GNA12: variants seen among roughly 807,000 people sequenced by gnomAD.
GNA12 encodes the protein G protein subunit alpha 12.
A neutral mutation model predicts 26.0 loss-of-function variants in GNA12; 9 were observed. The ratio of observed to expected loss-of-function variants is 0.35; its 90% CI spans 0.21 to 0.60. The LOEUF (loss-of-function observed/expected upper bound fraction) is 0.60. Among genes scored for constraint, GNA12 ranks in the 20% least tolerant of loss-of-function variants. GNA12 has a pLI of 0.78. For missense variants in GNA12, 405 were observed against 525.8 expected (o/e 0.77, Z 2.25); for synonymous variants, 264 against 219.6 (o/e 1.20, Z -1.79).
intron 2 of GNA12, among the ~76,000 whole-genome samples, chr7:2,752,491 C>G (rs1022654381): frequency 2.0e-5 from 3 of 152,106 alleles, no homozygotes; most frequent in African/African-American, 7.2e-5. Context: ...GACACAGGGA[C>G]TGGAAAGCAA....
chr7:2,777,297 A>G (rs1032373917), intron 2 of GNA12, among the ~76,000 whole-genome samples: 2 of 152,240 alleles, frequency 1.3e-5, no homozygotes, highest in Non-Finnish European at 2.9e-5. Context: ...ATCCAATGGT[A>G]TATTAATACC....
intron 1 of GNA12, among the ~76,000 whole-genome samples, chr7:2,839,355 C>A (rs1020915364): frequency 1.3e-5 from 2 of 152,008 alleles, no homozygotes; most frequent in African/African-American, 2.4e-5. Flanking sequence ...CACCCGCCTC[C>A]CAGGTTCAAG....
intron 2 of GNA12, among the ~76,000 whole-genome samples, chr7:2,793,027 G>C (rs1029608229): frequency 2.0e-5 from 3 of 152,230 alleles, no homozygotes; most frequent in Admixed American, 1.3e-4. Flanking sequence ...TTCCTGATCA[G>C]ATGATCTGAG....
intron 2 of GNA12, among the ~76,000 whole-genome samples, chr7:2,793,282 G>C (rs991762736): frequency 1.3e-5 from 2 of 148,256 alleles, no homozygotes; most frequent in South Asian, 2.1e-4. Flanking sequence ...GCAGACAGGA[G>C]CGCGAGAGGA....
chr7:2,736,652 TGAG>T (rs1355727561), intron 2 of GNA12, among the ~76,000 whole-genome samples: 1 of 152,246 alleles, frequency 6.6e-6, no homozygotes, highest in African/African-American at 2.4e-5. Flanking sequence ...CACACGCCCA[TGAG>T]GAGACCGCCT....
In GNA12 at chr7:2,746,108, C is replaced by G. The variant is rs1790750224; in HGVS notation, c.526-12607G>C. 3.3e-5 allele frequency among the ~76,000 whole-genome samples: 5 copies of G among 152,274 alleles called. No homozygotes were observed. In the South Asian group the frequency reaches 1.0e-3, roughly 32 times the overall value. ...ACCCCACTGTCAACATTAGACAGATCAACGAGACAGAAAGTTAACAAGGAT... is the reference window on the plus strand; with the variant it reads ...ACCCCACTGTCAACATTAGACAGATGAACGAGACAGAAAGTTAACAAGGAT... On this transcript the variant is annotated intron_variant, in intron 2 of 3. Coordinates refer to ENST00000275364, the MANE Select transcript of GNA12 (RefSeq NM_007353.3).
intron 2 of GNA12, among the ~76,000 whole-genome samples, chr7:2,744,147 C>G (rs1790648400): frequency 6.6e-6 from 1 of 152,202 alleles, no homozygotes; most frequent in Non-Finnish European, 1.5e-5. Flanking sequence ...TTAAATGTCC[C>G]CGTCTGACAG....
intron 1 of GNA12, among the ~76,000 whole-genome samples, chr7:2,823,175 C>T (rs1026338426): frequency 6.6e-6 from 1 of 152,218 alleles, no homozygotes; most frequent in Non-Finnish European, 1.5e-5. Context: ...TCCAGGCTTC[C>T]TGGTGTAGTC....
chr7:2,809,471 T>C (rs1457977140), intron 1 of GNA12, among the ~76,000 whole-genome samples: 1 of 152,246 alleles, frequency 6.6e-6, no homozygotes, highest in African/African-American at 2.4e-5. Context: ...CTATGATGAC[T>C]CATTATTGAC....
intron 1 of GNA12, chr7:2,815,396 G>C (rs142655705): frequency 1.1e-3 from 207 of 180,818 alleles, no homozygotes; most frequent in Middle Eastern, 4.7e-3. Context: ...TCGCATTTTT[G>C]AAACACTAAA....
At chr7:2,759,072 G>A (rs960201100) in intron 2 of GNA12, among the ~76,000 whole-genome samples, 16 of 151,484 alleles carry the variant, frequency 1.1e-4, no homozygotes, top group African/African-American at 2.9e-4. Context: ...CCCAGGGGGC[G>A]GAGGTTGCAA....
chr7:2,783,652 T>C (rs756071047), intron 2 of GNA12, among the ~76,000 whole-genome samples: 1 of 34,982 alleles, frequency 2.9e-5, no homozygotes, highest in Non-Finnish European at 7.2e-5. Flanking sequence ...TGTAACACAT[T>C]TATTTATTTA....
intron 2 of GNA12, among the ~76,000 whole-genome samples, chr7:2,792,756 T>C (rs757628888): frequency 2.6e-5 from 4 of 152,220 alleles, no homozygotes; most frequent in Non-Finnish European, 5.9e-5. Flanking sequence ...ACCTTAACTG[T>C]TAAAGTTAAC....
intron 1 of GNA12, among the ~76,000 whole-genome samples, chr7:2,824,339 G>A (rs922084341): frequency 8.5e-5 from 13 of 152,218 alleles, no homozygotes; most frequent in Admixed American, 2.0e-4. Context: ...GCCTGCACCC[G>A]CCTCTGCCCA....
chr7:2,805,091 G>A (rs1418062711), intron 1 of GNA12, among the ~76,000 whole-genome samples: 1 of 152,082 alleles, frequency 6.6e-6, no homozygotes, highest in Admixed American at 6.6e-5. Context: ...GTAAATAAAG[G>A]CCCAGAGCCT....
chr7:2,767,287 G>A (rs1021688571), intron 2 of GNA12, among the ~76,000 whole-genome samples: 1 of 152,018 alleles, frequency 6.6e-6, no homozygotes, highest in East Asian at 1.9e-4. Context: ...TAGGCTTTTG[G>A]TATCATACCC....
intron 2 of GNA12, among the ~76,000 whole-genome samples, chr7:2,794,270 T>C (rs866171214): frequency 3.9e-5 from 6 of 152,174 alleles, no homozygotes; most frequent in Admixed American, 6.5e-5. Flanking sequence ...GTGAGAGGCA[T>C]TTCTGGATAC....
chr7:2,821,032 G>A (rs1039580903), intron 1 of GNA12, among the ~76,000 whole-genome samples: 6 of 152,184 alleles, frequency 3.9e-5, no homozygotes, highest in African/African-American at 1.2e-4. Flanking sequence ...GAGCCACCGC[G>A]CCCGGCCTAC....
chr7:2,789,041 G>C (rs988270430), intron 2 of GNA12, among the ~76,000 whole-genome samples: 1 of 151,038 alleles, frequency 6.6e-6, no homozygotes, highest in African/African-American at 2.4e-5. Flanking sequence ...GGGTGGTCTT[G>C]AACTGACCTC....
Sources: gnomAD v4.1 joint callset for allele counts (sites outside exome capture counted in the v4.1 genomes callset) on GRCh38, gnomAD v4.1.1 for gene constraint, MANE v1.5 for transcripts, NCBI Gene and HGNC (gene_info 2026-07-23, HGNC 2026-07-21) for gene names.